Variants in KALRN observed in about 807,000 individuals in gnomAD.
KALRN encodes kalirin.
KALRN carries 70 observed loss-of-function variants against 353.7 expected under a neutral mutation model. The ratio of observed to expected loss-of-function variants is 0.20; its 90% CI spans 0.16 to 0.24. The LOEUF (loss-of-function observed/expected upper bound fraction) is 0.24, where lower values mean the gene tolerates loss of function less well. Ranked by LOEUF, KALRN falls within the 10% of genes least tolerant of loss-of-function variation. The pLI, the probability that KALRN is intolerant of heterozygous loss-of-function variation, is 1.00. For missense variants in KALRN, 2,791 were observed against 3,756.7 expected (o/e 0.74, Z 6.72); for synonymous variants, 1,391 against 1,434.8 (o/e 0.97, Z 0.69).
chr3:124,605,430 A>G (rs753131003), intron 34 of KALRN, among the ~76,000 whole-genome samples: 1 of 151,918 alleles, frequency 6.6e-6, no homozygotes, highest in Non-Finnish European at 1.5e-5. Flanking sequence ...AAAATTAGCC[A>G]GGCATGGTGG....
In KALRN at chr3:124,324,156, A is replaced by G. The variant is rs1298139464; in HGVS notation, c.1093-1824A>G. On this transcript the variant is annotated intron_variant, in intron 6 of 59. Transcript: ENST00000682506. Reference sequence around the variant, plus strand: ...GAACCCCAGTTGCTCATAGAACTTAACACATCCTTTATTCATTTCCCTCCC... The same window carrying G: ...GAACCCCAGTTGCTCATAGAACTTAGCACATCCTTTATTCATTTCCCTCCC... Among the ~76,000 whole-genome samples, 3 of 152,200 alleles carry G rather than the reference A, an allele frequency of 2.0e-5. No individual in the cohort carries two copies. In the East Asian group the frequency reaches 5.8e-4, roughly 29 times the overall value.
intron 33 of KALRN, among the ~76,000 whole-genome samples, chr3:124,506,376 C>T (rs1206846813): frequency 6.6e-6 from 1 of 152,176 alleles, no homozygotes; most frequent in Admixed American, 6.5e-5. Flanking sequence ...CGCATGTTCT[C>T]ATATCAGGCT....
chr3:124,144,201 G>A (rs899832889), intron 1 of KALRN, among the ~76,000 whole-genome samples: 3 of 152,142 alleles, frequency 2.0e-5, no homozygotes, highest in African/African-American at 7.2e-5. Flanking sequence ...CTGAGATCCT[G>A]GAACTAGAGG....
rs1417095177 is a variant in KALRN, at chr3:124,446,180, G to A, written c.3333G>A (p.Leu1111=). 2 of 1,613,970 alleles carry A rather than the reference G, an allele frequency of 1.2e-6. No homozygotes were observed. The highest frequency in any genetic ancestry group is 1.7e-6 in the Non-Finnish European group (2 of 1,179,824). Residue 1111 remains leucine (L), a synonymous_variant, in exon 20 of 60, where the codon CTG becomes CTA. Transcript: ENST00000682506. ...CCACAGCCATCCTGAGTGAGCTCCT[G>A]CAGAGGGAGAATCGCGTGCTGCATT... is the stretch of plus-strand genomic sequence containing the variant. ...QQVKAILSEL[L]QRENRVLHFW...
At chr3:124,674,069 G>A (rs543621002) in intron 48 of KALRN, among the ~76,000 whole-genome samples, 100 of 152,194 alleles carry the variant, frequency 6.6e-4, no homozygotes, top group African/African-American at 2.3e-3. Flanking sequence ...GTAAGAGAAC[G>A]CTGGCAGGAA....
intron 5 of KALRN, among the ~76,000 whole-genome samples, chr3:124,278,049 A>G (rs1001038922): frequency 7.0e-6 from 1 of 142,700 alleles, no homozygotes; most frequent in East Asian, 2.4e-4. Flanking sequence ...GTAACTGAGA[A>G]AAGTTCATTG....
At chr3:124,051,581 G>T (rs374837194) in intron 1 of KALRN, among the ~76,000 whole-genome samples, 2 of 152,100 alleles carry the variant, frequency 1.3e-5, no homozygotes, top group East Asian at 3.8e-4. Context: ...TAGATTTTTT[G>T]TTCTTCTGCT....
intron 1 of KALRN, among the ~76,000 whole-genome samples, chr3:124,102,899 C>T (rs540766416): frequency 6.6e-6 from 1 of 152,066 alleles, no homozygotes; most frequent in African/African-American, 2.4e-5. Flanking sequence ...AATATCTTAC[C>T]CCTTTGTTTC....
At chr3:124,659,539 C>T (rs333297) in intron 43 of KALRN, 82 bp downstream of exon 43, 1 of 941,630 alleles carries the variant, frequency 1.1e-6, no homozygotes, top group Non-Finnish European at 1.7e-6. Flanking sequence ...GTAGAGCTAG[C>T]GGTTCTGTCT....
chr3:124,227,859 G>T (rs1050586122), intron 1 of KALRN, 131 bp from the exon 2 acceptor site: 4 of 756,798 alleles, frequency 5.3e-6, no homozygotes, highest in Non-Finnish European at 9.7e-6. Context: ...GGTCCATCGG[G>T]CTGGGCTGTA....
intron 1 of KALRN, among the ~76,000 whole-genome samples, chr3:124,211,091 G>A (rs894911792): frequency 1.3e-5 from 2 of 152,164 alleles, no homozygotes; most frequent in Non-Finnish European, 2.9e-5. Context: ...GCTGTTCCCA[G>A]GTTTGTACAG....
At chr3:124,244,893 G>A (rs1478148401) in intron 3 of KALRN, among the ~76,000 whole-genome samples, 2 of 151,756 alleles carry the variant, frequency 1.3e-5, no homozygotes, top group Non-Finnish European at 2.9e-5. Flanking sequence ...CATATTTATA[G>A]GGTGCATATG....
intron 5 of KALRN, among the ~76,000 whole-genome samples, chr3:124,278,753 T>C (rs1580404667): frequency 6.6e-6 from 1 of 152,172 alleles, no homozygotes; most frequent in Non-Finnish European, 1.5e-5. Context: ...TCCTGTCCTC[T>C]CCTTCCAAGG....
intron 57 of KALRN, among the ~76,000 whole-genome samples, chr3:124,712,632 G>T (rs2062945046): frequency 7.3e-6 from 1 of 136,186 alleles, no homozygotes; most frequent in African/African-American, 2.8e-5. Context: ...TCTAGCCTGG[G>T]TAGCAGAGCA....
At chr3:124,610,959 G>A (rs1036512104) in intron 34 of KALRN, among the ~76,000 whole-genome samples, 3 of 152,174 alleles carry the variant, frequency 2.0e-5, no homozygotes, top group South Asian at 2.1e-4. Flanking sequence ...CTGGGAGATC[G>A]AGACTGCAGT....
chr3:124,432,493 G>A (rs960809381), intron 16 of KALRN, among the ~76,000 whole-genome samples: 6 of 152,190 alleles, frequency 3.9e-5, no homozygotes, highest in Non-Finnish European at 7.3e-5. Flanking sequence ...AAGGCTGAGC[G>A]ATCAGATTAG....
At chr3:124,314,356 G>C (rs1454149630) in intron 6 of KALRN, among the ~76,000 whole-genome samples, 2 of 118,188 alleles carry the variant, frequency 1.7e-5, no homozygotes, top group East Asian at 3.1e-4. Flanking sequence ...GTTGTGGGGT[G>C]GGGGGAGGGG....
At chr3:124,624,038 T>C (rs1226812482) in intron 34 of KALRN, among the ~76,000 whole-genome samples, 2 of 152,194 alleles carry the variant, frequency 1.3e-5, no homozygotes, top group Non-Finnish European at 2.9e-5. Context: ...AAATATTAAA[T>C]GAAAAATTTC....
intron 33 of KALRN, among the ~76,000 whole-genome samples, chr3:124,521,696 T>G (rs528310752): frequency 8.8e-4 from 134 of 152,252 alleles, no homozygotes; most frequent in African/African-American, 3.1e-3. Context: ...AGGGTGGCAC[T>G]TACCAAAGCT....
Sources: gnomAD v4.1 joint callset for allele counts (sites outside exome capture counted in the v4.1 genomes callset) on GRCh38, gnomAD v4.1.1 for gene constraint, MANE v1.5 for transcripts, NCBI Gene and HGNC (gene_info 2026-07-23, HGNC 2026-07-21) for gene names.